The following VAPB variants were observed in gnomAD, a reference collection of about 807,000 sequenced individuals.
VAPB encodes vesicle-associated membrane protein-associated protein B/C.
VAPB carries 7 observed loss-of-function variants against 25.6 expected under a neutral mutation model. That is an observed-to-expected ratio of 0.27 (90% CI 0.16 to 0.51). VAPB has a LOEUF of 0.51. VAPB is among the 20% of genes least tolerant of loss of function. The probability of loss-of-function intolerance (pLI) is 0.97; values close to 1 mark genes in which losing one functional copy is unlikely to be tolerated. For synonymous variants in VAPB, 112 were observed against 109.2 expected, an observed-to-expected ratio of 1.03 and a Z score of -0.16; for missense variants, 266 against 301.3, an observed-to-expected ratio of 0.88 and a Z score of 0.87.
chr20:58,403,679 CATT>C (rs1988153917), intron 1 of VAPB, among the ~76,000 whole-genome samples: 1 of 152,210 alleles, frequency 6.6e-6, no homozygotes, highest in South Asian at 2.1e-4. Context: ...TATGTTGTCT[CATT>C]AATAATGCCT....
chr20:58,410,223 C>T (rs1017932188), intron 1 of VAPB, among the ~76,000 whole-genome samples: 1 of 152,132 alleles, frequency 6.6e-6, no homozygotes, highest in African/African-American at 2.4e-5. Context: ...ATTGACATGT[C>T]ATTGTTAGCC....
intron 1 of VAPB, among the ~76,000 whole-genome samples, chr20:58,398,343 A>T (rs1988013210): frequency 6.6e-6 from 1 of 152,186 alleles, no homozygotes; most frequent in African/African-American, 2.4e-5. Context: ...TGATTGTCCA[A>T]ATTAGAGCTG....
At chr20:58,418,143 T>C in intron 1 of VAPB, 68 bp from the exon 2 acceptor site, 2 of 1,600,470 alleles carry the variant, frequency 1.2e-6, no homozygotes, top group African/African-American at 1.3e-5. Context: ...TATTTACAGC[T>C]CTCTTTTCCA....
intron 4 of VAPB, 54 bp from the exon 5 acceptor site, chr20:58,440,853 A>G: frequency 1.3e-6 from 2 of 1,571,490 alleles, no homozygotes; most frequent in Non-Finnish European, 1.7e-6. Context: ...TTGCATAAAA[A>G]AGTCCATTAT....
rs575939091 is a variant in VAPB at position 58,444,679 on chromosome 20, A to G, written c.*444A>G. 2.2e-6 allele frequency: 1 copy of G among 454,220 alleles called. No homozygotes were observed. Among genetic ancestry groups the G allele is most frequent in the Non-Finnish European group, 4.4e-6 (1 of 226,904 alleles). The allele number at this position is 454,220 out of a possible 1,614,324, so 28.1% of individuals were successfully genotyped here. A position where few individuals can be genotyped will look rare whatever the true frequency, so the allele number is the denominator to read the frequency against. ...CCACACAGTAGTCCCCACGTGGCCCACTCCCGGCCCAGGCTGCTTTCCGTG... is the reference window on the plus strand; with the variant it reads ...CCACACAGTAGTCCCCACGTGGCCCGCTCCCGGCCCAGGCTGCTTTCCGTG... On this transcript the variant is annotated 3_prime_UTR_variant, in exon 6 of 6. Coordinates refer to ENST00000475243, the MANE Select transcript of VAPB (RefSeq NM_004738.5).
chr20:58,418,102 T>G (rs990080433), intron 1 of VAPB, 109 bp from the exon 2 acceptor site: 16 of 1,447,800 alleles, frequency 1.1e-5, no homozygotes, highest in Non-Finnish European at 1.5e-5. Flanking sequence ...GTTAATGAGA[T>G]AATCGTGGAT....
intron 1 of VAPB, among the ~76,000 whole-genome samples, chr20:58,414,255 G>A (rs1416040870): frequency 2.1e-5 from 3 of 144,866 alleles, no homozygotes; most frequent in African/African-American, 2.6e-5. Flanking sequence ...TGGACGGGGC[G>A]GCTGGCGGGG....
In VAPB at chr20:58,429,154, T is replaced by C. The variant is rs77648258; in HGVS notation, c.212-5448T>C. Reference sequence around the variant, plus strand: ...TGCTTGTTAGACTTTTTTTTTTTTTTCCAAAGCAGAAAACTTTTCTCAGAT... The same window carrying C: ...TGCTTGTTAGACTTTTTTTTTTTTTCCCAAAGCAGAAAACTTTTCTCAGAT... On this transcript the variant is annotated intron_variant, in intron 2 of 5. Coordinates refer to ENST00000475243, the MANE Select transcript of VAPB (RefSeq NM_004738.5). Among the ~76,000 whole-genome samples the C allele has an allele frequency of 8.6e-4, 130 of 151,392 alleles. 2 individuals are homozygous for C. The South Asian group carries it at 0.016, about 18-fold the overall frequency.
At chr20:58,415,335 A>G (rs1250196585) in intron 1 of VAPB, among the ~76,000 whole-genome samples, 1 of 152,242 alleles carries the variant, frequency 6.6e-6, no homozygotes, top group Non-Finnish European at 1.5e-5. Flanking sequence ...ATCTTCAGCA[A>G]ACTCACACAA....
intron 1 of VAPB, among the ~76,000 whole-genome samples, chr20:58,405,616 T>A (rs1988207583): frequency 6.6e-6 from 1 of 151,056 alleles, no homozygotes; most frequent in South Asian, 2.1e-4. Flanking sequence ...CCAGCTAATT[T>A]TTTTATTTTT....
At chr20:58,410,618 T>C (rs1988354138) in intron 1 of VAPB, among the ~76,000 whole-genome samples, 1 of 152,044 alleles carries the variant, frequency 6.6e-6, no homozygotes, top group South Asian at 2.1e-4. Flanking sequence ...GGTTTCACCA[T>C]ACTGGCCAGG....
At chr20:58,440,671 G>A in intron 4 of VAPB, 1 of 435,106 alleles carries the variant, frequency 2.3e-6, no homozygotes, top group Non-Finnish European at 4.2e-6. Flanking sequence ...TTTCTTTGAA[G>A]TATTAGTCTC....
intron 1 of VAPB, among the ~76,000 whole-genome samples, chr20:58,397,938 A>G (rs1463714363): frequency 6.6e-6 from 1 of 152,206 alleles, no homozygotes; most frequent in Non-Finnish European, 1.5e-5. Flanking sequence ...CGCCAGGCAT[A>G]CGAATTGGAT....
intron 3 of VAPB, among the ~76,000 whole-genome samples, chr20:58,436,949 T>G (rs1392293511): frequency 6.6e-6 from 1 of 151,624 alleles, no homozygotes; most frequent in Non-Finnish European, 1.5e-5. Flanking sequence ...AAAGTGACCT[T>G]TAGTAGAGGA....
rs1223632630 is a variant in VAPB at position 58,434,525 on chromosome 20, A to G, written c.212-77A>G. The G allele has an allele frequency of 3.8e-6, 3 of 798,654 alleles. No homozygotes were observed. The South Asian group carries it at 4.1e-5, about 11-fold the overall frequency. The allele number at this position is 798,654 out of a possible 1,614,324, so 49.5% of individuals were successfully genotyped here. ...AATGCCGGTAAATTGCTTTACAACC[A>G]AAGTACAAGTATTAGCATAATAAAT... On this transcript the variant is annotated intron_variant, in intron 2 of 5. Transcript: ENST00000475243.
intron 2 of VAPB, among the ~76,000 whole-genome samples, chr20:58,433,067 C>T (rs1988962103): frequency 1.3e-5 from 2 of 152,150 alleles, no homozygotes; most frequent in South Asian, 4.1e-4. Context: ...TCTCTGTTCC[C>T]ATGGTGAAGA....
Position 58,392,238 on chromosome 20 carries a change from CT to C in VAPB, c.58+2724del, listed in dbSNP as rs1164076074. 3.9e-5 allele frequency among the ~76,000 whole-genome samples: 6 copies of C among 152,242 alleles called. No individual in the cohort carries two copies. In the South Asian group the frequency reaches 1.2e-3, roughly 32 times the overall value. On this transcript the variant is annotated intron_variant, in intron 1 of 5. Transcript: ENST00000475243. Reference sequence around the variant, plus strand: ...GAAGGAATGACATGGCTGTTAGTGGCTTTGTAAGTGCATAGTACTATACAGA... The same window carrying C: ...GAAGGAATGACATGGCTGTTAGTGGCTTGTAAGTGCATAGTACTATACAGA...
chr20:58,428,942 G>C (rs1259127942), intron 2 of VAPB, among the ~76,000 whole-genome samples: 1 of 152,146 alleles, frequency 6.6e-6, no homozygotes, highest in African/African-American at 2.4e-5. Context: ...CCTCACTGTG[G>C]CTGGCTGATG....
Position 58,449,514 on chromosome 20 carries a change from G to T in VAPB, c.*5279G>T, listed in dbSNP as rs538319086. The T allele has an allele frequency of 2.2e-6, 1 of 453,772 alleles. No homozygotes were observed. Among genetic ancestry groups the T allele is most frequent in the African/African-American group, 2.0e-5 (1 of 49,954 alleles). The allele number at this position is 453,772 out of a possible 1,614,324, so 28.1% of individuals were successfully genotyped here. A position where few individuals can be genotyped will look rare whatever the true frequency, so the allele number is the denominator to read the frequency against. ...AAATCCGTAGAAAAGGAAGAAAAGT[G>T]TAGCAACAAAAATGTAGCCATTATC... On this transcript the variant is annotated 3_prime_UTR_variant, in exon 6 of 6. Coordinates refer to ENST00000475243, the MANE Select transcript of VAPB (RefSeq NM_004738.5).
Sources: gnomAD v4.1 joint callset for allele counts (sites outside exome capture counted in the v4.1 genomes callset) on GRCh38, gnomAD v4.1.1 for gene constraint, MANE v1.5 for transcripts, NCBI Gene and HGNC (gene_info 2026-07-23, HGNC 2026-07-21) for gene names.